The following SFTPD variants were observed in gnomAD, a reference collection of about 807,000 sequenced individuals.
The protein encoded by SFTPD is pulmonary surfactant-associated protein D.
In SFTPD, 18 loss-of-function variants were observed where a neutral mutation model predicts 34.6. The observed-to-expected ratio is 0.52, with a 90% CI of 0.36 to 0.77. The LOEUF (loss-of-function observed/expected upper bound fraction) is 0.77. Ranked by LOEUF, SFTPD falls within the 30% of genes least tolerant of loss-of-function variation. The pLI, the probability that SFTPD is intolerant of heterozygous loss-of-function variation, is 0.00. For synonymous variants in SFTPD, 155 were observed against 180.9 expected (o/e 0.86, Z 1.15); for missense variants, 433 against 468.9 (o/e 0.92, Z 0.71).
rs1842627932 is a variant in SFTPD, at chr10:79,942,833, G to A, written c.246C>T (p.Gly82=). The change falls in exon 3 of 8, where the codon GGC becomes GGT. Residue 82 remains glycine (G), a synonymous_variant. Coordinates refer to ENST00000372292, the MANE Select transcript of SFTPD (RefSeq NM_003019.5). ...CATTGTCCCCTTTGGGCCCAACTGG[G>A]CCAGCTTGTCCAGGCATCCCTGCTT... ...AGQAGMPGQA[G]PVGPKGDNGS... is the part of the protein sequence containing the mutation. 1.2e-6 allele frequency: 2 copies of A among 1,613,970 alleles called. No homozygotes were observed. Among genetic ancestry groups the A allele is most frequent in the Admixed American group, 1.7e-5 (1 of 60,010 alleles).
Position 79,941,281 on chromosome 10 carries a change from C to T in SFTPD, c.667+117G>A, listed in dbSNP as rs1008521984. On this transcript the variant is annotated intron_variant, in intron 6 of 7. Transcript: ENST00000372292. ...GTCCGCCTTTCCTGAGTTCCACCCA[C>T]CAGCTGCCATTAATGGGGCACACAT... The T allele has an allele frequency of 8.0e-6, 7 of 873,790 alleles. No homozygotes were observed. The Admixed American group carries it at 1.1e-4, about 14-fold the overall frequency. The allele number at this position is 873,790 out of a possible 1,614,324, so 54.1% of individuals were successfully genotyped here.
At chr10:79,938,327 C>T in intron 7 of SFTPD, 99 bp from the exon 8 acceptor site, 1 of 1,090,664 alleles carries the variant, frequency 9.2e-7, no homozygotes, top group Non-Finnish European at 1.3e-6. Flanking sequence ...TTTCAGACCT[C>T]CCAAACAGGC....
At position 79,946,605 on chromosome 10, in the gene SFTPD, G is replaced by C. The variant is rs1842668016; in HGVS notation, c.55C>G (p.Leu19Val). ...LVLLTQPLGY[L>V]EAEMKTYSHR... is the part of the protein sequence containing the mutation. ...GAGTAGGTCTTCATTTCTGCTTCCA[G>C]GTAGCCCAGGGGCTGTGTGAGCAGG... Residue 19 changes from leucine (L) to valine (V), a missense_variant, in exon 2 of 8, where the codon CTG (leucine) becomes GTG (valine). Transcript: ENST00000372292. 1 of 1,614,088 alleles carries C rather than the reference G, an allele frequency of 6.2e-7. No homozygotes were observed. Among genetic ancestry groups the C allele is most frequent in the Non-Finnish European group, 8.5e-7 (1 of 1,180,016 alleles).
At chr10:79,972,253 C>A (rs11200972) in intron 1 of SFTPD, 11,881 of 152,254 alleles carry the variant, frequency 0.078, 912 homozygotes, top group East Asian at 0.4. Context: ...TAATCCCAGA[C>A]CTTTGGGAGG....
At chr10:79,964,487 A>G (rs1842792477) in intron 1 of SFTPD, among the ~76,000 whole-genome samples, 1 of 152,040 alleles carries the variant, frequency 6.6e-6, no homozygotes, top group Non-Finnish European at 1.5e-5. Flanking sequence ...CCCCACTGAA[A>G]CTTCCACCTA....
chr10:79,938,274 C>T (rs1462388950), intron 7 of SFTPD, 46 bp from the exon 8 acceptor site: 23 of 1,540,874 alleles, frequency 1.5e-5, no homozygotes, highest in Non-Finnish European at 1.9e-5. Context: ...ATCACCTGGC[C>T]AAAGCTCAGG....
At chr10:79,952,727 T>C (rs12253608), upstream of SFTPD, among the ~76,000 whole-genome samples, 22,259 of 43,430 alleles carry the variant, frequency 0.51, 2,074 homozygotes, top group East Asian at 0.6. Flanking sequence ...CTGGGATTCC[T>C]TGGGAAGAAC....
intron 1 of SFTPD, among the ~76,000 whole-genome samples, chr10:79,979,276 A>G (rs750818497): frequency 3.9e-5 from 6 of 152,376 alleles, no homozygotes; most frequent in Middle Eastern, 3.4e-3. Flanking sequence ...AGAGCCCTCC[A>G]ATGATCATTC....
At chr10:79,946,766 T>G (rs939519917) in intron 1 of SFTPD, 104 bp from the exon 2 acceptor site, 110 of 1,013,368 alleles carry the variant, frequency 1.1e-4, no homozygotes, top group Non-Finnish European at 1.5e-4. Flanking sequence ...CATTCCCTCC[T>G]TCTGTCCTCT....
At chr10:79,969,183 T>C (rs1479210697) in intron 1 of SFTPD, 1 of 151,646 alleles carries the variant, frequency 6.6e-6, no homozygotes, top group Non-Finnish European at 1.5e-5. Context: ...CAATAAAAAA[T>C]AAAAAATAAG....
At chr10:79,972,235 C>T (rs1842838509) in intron 1 of SFTPD, 1 of 152,304 alleles carries the variant, frequency 6.6e-6, no homozygotes, top group Admixed American at 6.5e-5. Context: ...CACTGTGGCT[C>T]ACACCTGTAA....
intron 1 of SFTPD, chr10:79,981,997 C>A: frequency 3.3e-6 from 1 of 305,840 alleles, no homozygotes; most frequent in Non-Finnish European, 6.0e-6. Flanking sequence ...CAGCCTCGCC[C>A]ACCTCCCCAG....
chr10:79,975,675 C>G (rs1589344572), intron 1 of SFTPD, among the ~76,000 whole-genome samples: 2 of 152,312 alleles, frequency 1.3e-5, no homozygotes, highest in East Asian at 1.9e-4. Context: ...AATCAGGGGT[C>G]TCACAGCCTT....
chr10:79,955,449 AAAAC>A lies in SFTPD; in HGVS notation c.37-8791_37-8788del, dbSNP rs571260122. On this transcript the variant is annotated intron_variant, in intron 1 of 5. Transcript: ENST00000444384. Reference sequence around the variant, plus strand: ...TAGGGATCCTGAAGTAAAACAAAACAAAACAAACAAACAAACAAACAAAGAAAAC... The same window carrying A: ...TAGGGATCCTGAAGTAAAACAAAACAAAACAAACAAACAAACAAAGAAAAC... 1.7e-3 allele frequency among the ~76,000 whole-genome samples: 261 copies of A among 152,274 alleles called. 1 individual carries two copies. Among genetic ancestry groups the A allele is most frequent in the Middle Eastern group, 3.4e-3 (1 of 294 alleles).
intron 1 of SFTPD, among the ~76,000 whole-genome samples, chr10:79,954,801 T>C (rs1313993242): frequency 6.6e-6 from 1 of 152,168 alleles, no homozygotes; most frequent in Admixed American, 6.5e-5. Flanking sequence ...AGCTGAGTGT[T>C]GGGAGAGAAG....
At chr10:79,975,804 C>T (rs1462871041) in intron 1 of SFTPD, among the ~76,000 whole-genome samples, 1 of 152,206 alleles carries the variant, frequency 6.6e-6, no homozygotes, top group South Asian at 2.1e-4. Flanking sequence ...GAAAGGAAGG[C>T]ATGGGCCCAA....
At chr10:79,941,595 G>T in intron 5 of SFTPD, 81 bp from the exon 6 acceptor site, 1 of 1,044,016 alleles carries the variant, frequency 9.6e-7, no homozygotes, top group Non-Finnish European at 1.4e-6. Flanking sequence ...CCCATACATG[G>T]ACTAACTATC....
chr10:79,941,508 G>T lies in SFTPD; in HGVS notation c.557C>A (p.Ala186Asp). Residue 186 changes from alanine (A) to aspartate (D), a missense_variant, in exon 6 of 8, where the codon GCT becomes GAT. Physicochemically the swap from Ala to Asp is moderately radical, Grantham distance 126. Coordinates refer to ENST00000372292, the MANE Select transcript of SFTPD (RefSeq NM_003019.5). Reference protein sequence around the residue: ...VPGNTGAAGSAGAMGPQGSPG... With the variant: ...VPGNTGAAGSDGAMGPQGSPG... ...ACTTCCCTGGGGACCCATGGCTCCA[G>T]CAGACCCTGGGGTAAAAGAAGAACT... 6.2e-7 allele frequency: 1 copy of T among 1,600,844 alleles called. No individual in the cohort carries two copies. The highest frequency in any genetic ancestry group is 8.5e-7 in the Non-Finnish European group (1 of 1,175,122).
intron 1 of SFTPD, among the ~76,000 whole-genome samples, chr10:79,964,992 A>G (rs1258449824): frequency 6.6e-6 from 1 of 152,130 alleles, no homozygotes; most frequent in Non-Finnish European, 1.5e-5. Flanking sequence ...TATTAGTCAA[A>G]TCACCCAAAC....
Sources: gnomAD v4.1 joint callset for allele counts (sites outside exome capture counted in the v4.1 genomes callset) on GRCh38, gnomAD v4.1.1 for gene constraint, MANE v1.5 for transcripts, NCBI Gene and HGNC (gene_info 2026-07-23, HGNC 2026-07-21) for gene names.